TBC1D5: variants seen among roughly 807,000 people sequenced by gnomAD.
TBC1D5 encodes TBC1 domain family, member 5.
TBC1D5 carries 75 observed loss-of-function variants against 100.3 expected under a neutral mutation model. The ratio of observed to expected loss-of-function variants is 0.75; its 90% CI spans 0.62 to 0.91. The LOEUF (loss-of-function observed/expected upper bound fraction) is 0.91. TBC1D5 is among the 40% of genes least tolerant of loss of function. The pLI is 0.00. For missense variants in TBC1D5, 910 were observed against 942.4 expected, an observed-to-expected ratio of 0.97 and a Z score of 0.45; for synonymous variants, 323 against 325.6, an observed-to-expected ratio of 0.99 and a Z score of 0.09.
intron 2 of TBC1D5, among the ~76,000 whole-genome samples, chr3:17,610,555 C>T (rs1165069061): frequency 6.6e-6 from 1 of 152,170 alleles, no homozygotes; most frequent in Non-Finnish European, 1.5e-5. Flanking sequence ...AAGCACTCAG[C>T]GACCACCCAA....
At chr3:17,622,332 G>T (rs1219190687) in intron 2 of TBC1D5, among the ~76,000 whole-genome samples, 1 of 152,014 alleles carries the variant, frequency 6.6e-6, no homozygotes, top group Non-Finnish European at 1.5e-5. Flanking sequence ...AGGGGATTGG[G>T]GACCCCTGTT....
intron 1 of TBC1D5, among the ~76,000 whole-genome samples, chr3:17,667,642 G>T (rs563929511): frequency 6.6e-6 from 1 of 151,852 alleles, no homozygotes; most frequent in Non-Finnish European, 1.5e-5. Flanking sequence ...TGTAGTGATG[G>T]AGTTTCGCCA....
intron 13 of TBC1D5, among the ~76,000 whole-genome samples, chr3:17,350,418 C>T: frequency 6.6e-6 from 1 of 152,130 alleles, no homozygotes; most frequent in Non-Finnish European, 1.5e-5. Flanking sequence ...GAGCCAGAGT[C>T]AAAGAGCTGC....
intron 19 of TBC1D5, among the ~76,000 whole-genome samples, chr3:17,176,496 C>G (rs1465582869): frequency 6.6e-6 from 1 of 152,104 alleles, no homozygotes; most frequent in African/African-American, 2.4e-5. Context: ...AATGATCAGA[C>G]TTTTATTTAG....
chr3:17,200,176 G>A (rs2071283223), intron 18 of TBC1D5, among the ~76,000 whole-genome samples: 1 of 152,184 alleles, frequency 6.6e-6, no homozygotes, highest in South Asian at 2.1e-4. Flanking sequence ...ATATTTTGCT[G>A]TTAAAGTTCC....
intron 2 of TBC1D5, among the ~76,000 whole-genome samples, chr3:17,615,148 G>T (rs971359333): frequency 4.2e-4 from 64 of 152,242 alleles, no homozygotes; most frequent in African/African-American, 1.4e-3. Context: ...TAATCATGTG[G>T]TTTTTGTTGT....
intron 3 of TBC1D5, among the ~76,000 whole-genome samples, chr3:17,475,776 T>A (rs1007622228): frequency 1.3e-5 from 2 of 152,122 alleles, no homozygotes; most frequent in Non-Finnish European, 2.9e-5. Flanking sequence ...TTGATGCAGA[T>A]ATGCAATAGT....
Position 17,730,584 on chromosome 3 carries a change from A to AC in TBC1D5, c.-101+8758dup, listed in dbSNP as rs138175475. ...GAGCCATTTGGAAGTAGATAATCTA[A>AC]CCCCCACTGAGCTGACACCAGATGA... is the stretch of plus-strand genomic sequence containing the variant. On this transcript the variant is annotated intron_variant, in intron 1 of 21. Coordinates refer to ENST00000253692, the Ensembl canonical transcript of TBC1D5. Among the ~76,000 whole-genome samples, 1,107 of 152,192 alleles carry AC rather than the reference A, an allele frequency of 7.3e-3. 7 individuals carry two copies. The highest frequency in any genetic ancestry group is 0.024 in the African/African-American group (1,011 of 41,500).
At chr3:17,247,029 G>A (rs915117758) in intron 16 of TBC1D5, among the ~76,000 whole-genome samples, 3 of 152,090 alleles carry the variant, frequency 2.0e-5, no homozygotes, top group Non-Finnish European at 4.4e-5. Context: ...TTTCACCTGG[G>A]TCCTGGGTCA....
At chr3:17,736,421 A>G (rs2076970220) in intron 1 of TBC1D5, among the ~76,000 whole-genome samples, 2 of 152,058 alleles carry the variant, frequency 1.3e-5, no homozygotes, top group Non-Finnish European at 2.9e-5. Flanking sequence ...TTCCTAAGTC[A>G]CCCCATCTAT....
intron 1 of TBC1D5, among the ~76,000 whole-genome samples, chr3:17,725,951 G>A (rs2076090192): frequency 6.6e-6 from 1 of 152,148 alleles, no homozygotes; most frequent in Non-Finnish European, 1.5e-5. Context: ...CCACTTACAA[G>A]TGAGAACATG....
chr3:17,438,703 T>C lies in TBC1D5; in HGVS notation c.98-10184A>G, dbSNP rs186324298. On this transcript the variant is annotated intron_variant, in intron 3 of 21. Transcript: ENST00000253692. ...GTGAGCACAGACTAATACATGATTA[T>C]TATATAATTTGTCCTTCACTCCAAT... Among the ~76,000 whole-genome samples, 23 of 152,328 alleles carry C rather than the reference T, an allele frequency of 1.5e-4. No homozygotes were observed. In the East Asian group the frequency reaches 4.0e-3, roughly 27 times the overall value.
intron 3 of TBC1D5, among the ~76,000 whole-genome samples, chr3:17,488,459 A>G (rs2095597819): frequency 6.6e-6 from 1 of 152,196 alleles, no homozygotes; most frequent in Admixed American, 6.5e-5. Flanking sequence ...AACTCTGTAT[A>G]GACGTAAGTT....
intron 3 of TBC1D5, 54 bp from the exon 4 acceptor site, chr3:17,428,573 T>G: frequency 9.9e-7 from 1 of 1,008,960 alleles, no homozygotes; most frequent in Non-Finnish European, 1.4e-6. Flanking sequence ...AATATTTCAG[T>G]TGAAAAACTG....
intron 18 of TBC1D5, among the ~76,000 whole-genome samples, chr3:17,186,127 G>A (rs1321285577): frequency 6.6e-6 from 1 of 151,254 alleles, no homozygotes; most frequent in Non-Finnish European, 1.5e-5. Context: ...ATACTGCCAG[G>A]GCTGGAATAG....
chr3:17,537,894 A>C (rs1033350189), intron 2 of TBC1D5, among the ~76,000 whole-genome samples: 12 of 152,330 alleles, frequency 7.9e-5, no homozygotes, highest in African/African-American at 2.6e-4. Flanking sequence ...GCCAAGGCTA[A>C]GGACGTGCCT....
At chr3:17,736,468 T>C (rs1017729512) in intron 1 of TBC1D5, among the ~76,000 whole-genome samples, 4 of 152,182 alleles carry the variant, frequency 2.6e-5, no homozygotes, top group Non-Finnish European at 5.9e-5. Flanking sequence ...AGACTCTTGT[T>C]CCTCATGGAA....
intron 3 of TBC1D5, among the ~76,000 whole-genome samples, chr3:17,449,345 T>C (rs2094871704): frequency 6.6e-6 from 1 of 152,184 alleles, no homozygotes; most frequent in Non-Finnish European, 1.5e-5. Flanking sequence ...TAGGAGTTTT[T>C]TTCATACCCT....
At chr3:17,569,214 T>C (rs921621612) in intron 2 of TBC1D5, among the ~76,000 whole-genome samples, 1 of 151,828 alleles carries the variant, frequency 6.6e-6, no homozygotes, top group African/African-American at 2.4e-5. Context: ...CCTAAAAGAT[T>C]TGATAGACAT....
Sources: allele counts gnomAD v4.1 joint callset (sites outside exome capture counted in the v4.1 genomes callset), GRCh38; gene constraint gnomAD v4.1.1; transcripts MANE v1.5; gene names NCBI Gene and HGNC (gene_info 2026-07-23, HGNC 2026-07-21).